LEKR1: variants seen among roughly 807,000 people sequenced by gnomAD.
The protein encoded by LEKR1 is leucine, glutamate and lysine rich 1.
Under a neutral mutation model 72.4 loss-of-function variants are expected in LEKR1, and 59 were observed. The ratio of observed to expected loss-of-function variants is 0.82; its 90% CI spans 0.66 to 1.01. The LOEUF (loss-of-function observed/expected upper bound fraction) is 1.01. LEKR1 is among the 50% of genes least tolerant of loss of function. The pLI is 0.00. For missense variants in LEKR1, 728 were observed against 759.2 expected, an observed-to-expected ratio of 0.96 and a Z score of 0.48; for synonymous variants, 257 against 263.2, an observed-to-expected ratio of 0.98 and a Z score of 0.23.
intron 3 of LEKR1, among the ~76,000 whole-genome samples, chr3:156,900,955 T>C (rs1156424033): frequency 6.6e-6 from 1 of 152,084 alleles, no homozygotes; most frequent in Admixed American, 6.6e-5. Context: ...CCATAATAAT[T>C]CACACCTTTT....
intron 3 of LEKR1, among the ~76,000 whole-genome samples, chr3:156,875,295 TTA>T (rs1230143174): frequency 1.3e-5 from 2 of 152,194 alleles, no homozygotes; most frequent in Non-Finnish European, 1.5e-5. Flanking sequence ...GAGCATTTTT[TTA>T]TGTTTATTGG....
chr3:156,923,936 C>A (rs1724458078), intron 4 of LEKR1, among the ~76,000 whole-genome samples: 2 of 152,098 alleles, frequency 1.3e-5, no homozygotes, highest in African/African-American at 4.8e-5. Context: ...ACCGTGTTAG[C>A]CAGGATGGTC....
intron 3 of LEKR1, among the ~76,000 whole-genome samples, chr3:156,912,592 A>G (rs556294681): frequency 7.2e-5 from 11 of 152,272 alleles, no homozygotes; most frequent in African/African-American, 2.6e-4. Context: ...GCTACTGCAC[A>G]CTTCCCACTC....
At chr3:157,009,495 G>A (rs746200765) in intron 9 of LEKR1, among the ~76,000 whole-genome samples, 1 of 152,092 alleles carries the variant, frequency 6.6e-6, no homozygotes, top group Non-Finnish European at 1.5e-5. Flanking sequence ...AATTCCATAT[G>A]AGCTGGAAAA....
chr3:156,936,980 A>G (rs1475127246), intron 5 of LEKR1, among the ~76,000 whole-genome samples: 1 of 152,160 alleles, frequency 6.6e-6, no homozygotes, highest in Non-Finnish European at 1.5e-5. Context: ...GATCTCAGTA[A>G]AATTTAAGAA....
rs142759712 is a variant in LEKR1, at chr3:157,045,543, A to C, written c.1872A>C (p.Arg624Ser). 7.8e-4 allele frequency: 1,251 copies of C among 1,614,110 alleles called. 7 individuals carry two copies. In the African/African-American group the frequency reaches 0.014, roughly 19 times the overall value. The change falls in exon 13 of 13, where the codon AGA (arginine) becomes AGC (serine). Residue 624 changes from arginine (R) to serine (S), a missense_variant. Transcript: ENST00000356539. ...ATCATGGAGAGAGAAGCCTTGCAAG[A>C]CTGAACTCTGAAAAAGGAATCCAAA... The part of the protein sequence containing the change: ...VSNHGERSLA[R>S]LNSEKGIQIP...
chr3:156,871,973 C>T (rs957694229), intron 3 of LEKR1, among the ~76,000 whole-genome samples: 2 of 151,892 alleles, frequency 1.3e-5, no homozygotes, highest in African/African-American at 4.8e-5. Context: ...GGGAGAATTC[C>T]CTCCTCTTCA....
chr3:156,946,880 G>A (rs1018077626), intron 6 of LEKR1, among the ~76,000 whole-genome samples: 9 of 151,060 alleles, frequency 6.0e-5, no homozygotes, highest in Non-Finnish European at 1.3e-4. Context: ...CAAATTTATT[G>A]GCATATAGTT....
At chr3:156,882,765 A>T (rs1719572826) in intron 3 of LEKR1, among the ~76,000 whole-genome samples, 2 of 152,314 alleles carry the variant, frequency 1.3e-5, no homozygotes, top group African/African-American at 4.8e-5. Flanking sequence ...ATGTCCAACA[A>T]TGATAGACTG....
rs548076425 is a variant in LEKR1, at chr3:156,997,719, G to T, written c.1109+4442G>T. 1.1e-4 allele frequency among the ~76,000 whole-genome samples: 17 copies of T among 152,326 alleles called. No individual in the cohort carries two copies. In the East Asian group the frequency reaches 3.3e-3, roughly 29 times the overall value. On this transcript the variant is annotated intron_variant, in intron 9 of 12. Coordinates refer to ENST00000356539, the MANE Select transcript of LEKR1 (RefSeq NM_001004316.3). ...CCTTACTGAGGTCACAAATTGTGCAGTTTAGAAGCTGTGTATTTCAGAAGA... is the reference window on the plus strand; with the variant it reads ...CCTTACTGAGGTCACAAATTGTGCATTTTAGAAGCTGTGTATTTCAGAAGA...
intron 6 of LEKR1, among the ~76,000 whole-genome samples, chr3:156,964,686 T>C (rs1728412774): frequency 6.6e-6 from 1 of 152,098 alleles, no homozygotes; most frequent in Non-Finnish European, 1.5e-5. Flanking sequence ...GAAGAGTCAG[T>C]ACTCGGTGGC....
At chr3:156,908,739 A>T (rs1309864400) in intron 3 of LEKR1, among the ~76,000 whole-genome samples, 1 of 151,672 alleles carries the variant, frequency 6.6e-6, no homozygotes, top group Non-Finnish European at 1.5e-5. Context: ...GCATCTGGGG[A>T]TTGGGTATGT....
intron 3 of LEKR1, among the ~76,000 whole-genome samples, chr3:156,866,745 G>A (rs542220842): frequency 6.6e-6 from 1 of 152,070 alleles, no homozygotes; most frequent in East Asian, 1.9e-4. Context: ...GTAGGTGGAT[G>A]GGTGGATGGA....
At position 156,852,920 on chromosome 3, in the gene LEKR1, G is replaced by A; in HGVS notation, c.201G>A (p.Lys67=). The part of the protein sequence containing the change: ...SVDREKRLQE[K]LHSLSQELEQ... ...ATCGTGAAAAGAGACTTCAAGAAAA[G>A]CTGCATTCTCTTAGCCAAGAACTTG... Residue 67 remains lysine (K), a synonymous_variant, in exon 3 of 13, where the codon AAG becomes AAA. Transcript: ENST00000356539. The A allele has an allele frequency of 2.7e-6, 4 of 1,474,108 alleles. No individual in the cohort carries two copies. The highest frequency in any genetic ancestry group is 3.6e-6 in the Non-Finnish European group (4 of 1,119,316). The allele number at this position is 1,474,108 out of a possible 1,614,324, so 91.3% of individuals were successfully genotyped here. A position where few individuals can be genotyped will look rare whatever the true frequency, so the allele number is the denominator to read the frequency against.
chr3:156,894,717 A>C (rs906028830), intron 3 of LEKR1, among the ~76,000 whole-genome samples: 2 of 152,206 alleles, frequency 1.3e-5, no homozygotes, highest in African/African-American at 4.8e-5. Flanking sequence ...AGAACAGGAA[A>C]GAGAACCCAG....
At chr3:156,966,012 T>G (rs1728540544) in intron 6 of LEKR1, among the ~76,000 whole-genome samples, 1 of 152,224 alleles carries the variant, frequency 6.6e-6, no homozygotes, top group African/African-American at 2.4e-5. Context: ...AGACTGATTT[T>G]GTATATTCAG....
At chr3:156,959,959 C>G (rs1466424810) in intron 6 of LEKR1, among the ~76,000 whole-genome samples, 1 of 152,030 alleles carries the variant, frequency 6.6e-6, no homozygotes. Context: ...CACCCATGTT[C>G]CCTACCAATG....
chr3:156,896,128 G>C (rs544065769), intron 3 of LEKR1, among the ~76,000 whole-genome samples: 32 of 152,112 alleles, frequency 2.1e-4, no homozygotes, highest in African/African-American at 7.2e-4. Context: ...AGCACCACGT[G>C]TTCTCACTTA....
intron 6 of LEKR1, among the ~76,000 whole-genome samples, chr3:156,943,807 G>C (rs916618304): frequency 6.6e-6 from 1 of 151,838 alleles, no homozygotes; most frequent in Non-Finnish European, 1.5e-5. Context: ...AGTGTTGAAA[G>C]AGAAGATAAC....
Sources: gnomAD v4.1 joint callset for allele counts (sites outside exome capture counted in the v4.1 genomes callset) on GRCh38, gnomAD v4.1.1 for gene constraint, MANE v1.5 for transcripts, NCBI Gene and HGNC (gene_info 2026-07-23, HGNC 2026-07-21) for gene names.